The following VSIG10 variants were observed in gnomAD, a reference collection of about 807,000 sequenced individuals.
VSIG10 encodes the protein V-set and immunoglobulin domain containing 10.
In VSIG10, 48 loss-of-function variants were observed where a neutral mutation model predicts 58.7. That is an observed-to-expected ratio of 0.82 (90% confidence interval 0.65 to 1.04). The LOEUF (loss-of-function observed/expected upper bound fraction) is 1.04. Ranked by LOEUF, VSIG10 falls within the 50% of genes least tolerant of loss-of-function variation. The pLI is 0.00. For synonymous variants in VSIG10, 260 were observed against 267.1 expected (o/e 0.97, Z 0.26); for missense variants, 628 against 670.0 (o/e 0.94, Z 0.69).
At chr12:118,087,945 G>A in intron 2 of VSIG10, among the ~76,000 whole-genome samples, 1 of 151,066 alleles carries the variant, frequency 6.6e-6, no homozygotes. Context: ...AGCAAGACCT[G>A]TTCGAAAGAC....
chr12:118,064,492 G>A lies in VSIG10; in HGVS notation c.*2147C>T, dbSNP rs1383199002. On this transcript the variant is annotated 3_prime_UTR_variant, in exon 9 of 9. Transcript: ENST00000359236. ...TGTGTTTTCTTTTTTTAATCTTGTT[G>A]CCTCTGAGTAGTAGACTCTTCAATT... The A allele has an allele frequency of 4.4e-5, 6 of 136,972 alleles. No individual in the cohort carries two copies. Among genetic ancestry groups the A allele is most frequent in the Non-Finnish European group, 9.3e-5 (6 of 64,698 alleles). 8.5% of individuals were successfully genotyped at this position (136,972 alleles called of 1,614,324 possible).
chr12:118,074,075 TTTTTGTTTTG>T (rs141835961), intron 4 of VSIG10, 83 bp from the exon 5 acceptor site: 258 of 1,398,156 alleles, frequency 1.8e-4, no homozygotes, highest in African/African-American at 4.5e-5. Context: ...CTGCAGTAGT[TTTTTGTTTTG>T]TTTTGTTTTG....
Position 118,082,419 on chromosome 12 carries a change from A to C in VSIG10, c.372T>G (p.Tyr124Ter), listed in dbSNP as rs1256853593. 1 of 1,608,838 alleles carries C rather than the reference A, an allele frequency of 6.2e-7. No homozygotes were observed. The highest frequency in any genetic ancestry group is 1.1e-5 in the South Asian group (1 of 91,016). Residue 124 changes from tyrosine to a stop codon, truncating the protein, a stop_gained, in exon 3 of 9, where the codon TAT becomes TAG. Coordinates refer to ENST00000359236, the MANE Select transcript of VSIG10 (RefSeq NM_019086.6). LOFTEE classifies it high-confidence loss of function. ...TGGCCACGATGTGGACCTCAATCTG[A>C]TAGGGGCCGCCTGGGGATGACAGGG... ...QVWLQVASGP[Y>*]QIEVHIVATG...
chr12:118,067,010 T>G (rs1321490312), intron 8 of VSIG10, among the ~76,000 whole-genome samples: 1 of 152,078 alleles, frequency 6.6e-6, no homozygotes, highest in Non-Finnish European at 1.5e-5. Context: ...ACCTCTTCCA[T>G]AAAGCTTCCC....
At chr12:118,075,731 A>G (rs1030293864) in intron 4 of VSIG10, among the ~76,000 whole-genome samples, 1 of 152,132 alleles carries the variant, frequency 6.6e-6, no homozygotes, top group African/African-American at 2.4e-5. Context: ...ACTGTGGGCA[A>G]GGCACTGTTA....
At chr12:118,086,227 C>T (rs1159034762) in intron 2 of VSIG10, among the ~76,000 whole-genome samples, 1 of 151,764 alleles carries the variant, frequency 6.6e-6, no homozygotes, top group Admixed American at 6.6e-5. Context: ...CTTTGGGAGG[C>T]GGAGGCAGGC....
intron 7 of VSIG10, among the ~76,000 whole-genome samples, chr12:118,069,419 C>CT (rs2032390321): frequency 2.8e-5 from 3 of 107,974 alleles, no homozygotes; most frequent in Admixed American, 9.9e-5. Context: ...TCTTCTTCTT[C>CT]TTCTTCTTTT....
intron 1 of VSIG10, chr12:118,102,419 G>A: frequency 6.6e-6 from 1 of 152,274 alleles, no homozygotes; most frequent in African/African-American, 2.4e-5. Context: ...GAAGGTGGCG[G>A]GGCAAATATT....
In VSIG10 at chr12:118,068,473, G is replaced by T. The variant is rs2032347075; in HGVS notation, c.1471C>A (p.Pro491Thr). 1 of 1,613,342 alleles carries T rather than the reference G, an allele frequency of 6.2e-7. No individual in the cohort carries two copies. Among genetic ancestry groups the T allele is most frequent in the Admixed American group, 1.7e-5 (1 of 59,908 alleles). Residue 491 changes from proline to threonine, a missense_variant, in exon 8 of 9, where the codon CCA (proline) becomes ACA (threonine). By Grantham distance (38) the Pro-to-Thr change is conservative. Transcript: ENST00000359236. ...TGGTCCTGCTTAGGTATTTCTTTTG[G>T]CAACTCCTCTCTCTCACGTGCTCCC... ...QEGAREREEL[P>T]KEIPKQDHIH... is the part of the protein sequence containing the mutation.
chr12:118,066,838 T>C, intron 8 of VSIG10, 144 bp from the exon 9 acceptor site: 1 of 851,292 alleles, frequency 1.2e-6, no homozygotes, highest in Non-Finnish European at 1.8e-6. Context: ...GGGCAGCGTG[T>C]GTTTTCCCCT....
intron 1 of VSIG10, 121 bp downstream of exon 1, chr12:118,103,472 G>C: frequency 1.9e-6 from 2 of 1,035,358 alleles, no homozygotes; most frequent in Non-Finnish European, 2.6e-6. Context: ...TCCTGGGGCA[G>C]CTTCTAGGCT....
In VSIG10 at chr12:118,064,800, T is replaced by C. The variant is rs987535476; in HGVS notation, c.*1839A>G. 1 of 152,326 alleles carries C rather than the reference T, an allele frequency of 6.6e-6. No homozygotes were observed. Among genetic ancestry groups the C allele is most frequent in the Non-Finnish European group, 1.5e-5 (1 of 68,050 alleles). The allele number at this position is 152,326 out of a possible 1,614,324, so 9.4% of individuals were successfully genotyped here. A position where few individuals can be genotyped will look rare whatever the true frequency, so the allele number is the denominator to read the frequency against. ...CTAGTGATTTGCTCAGTTTAATCCC[T>C]TCATCCAAGAAAACAGACCTTCCCC... On this transcript the variant is annotated 3_prime_UTR_variant, in exon 9 of 9. Transcript: ENST00000359236.
At position 118,076,584 on chromosome 12, in the gene VSIG10, C is replaced by T. The variant is rs376037545; in HGVS notation, c.926-2592G>A. ...AACTCCTGGGCCCAAGCAATATGCC[C>T]GTCCTTGGCCTCCCAAAGTGCTGGG... On this transcript the variant is annotated intron_variant, in intron 4 of 8. Transcript: ENST00000359236. 1.6e-4 allele frequency among the ~76,000 whole-genome samples: 24 copies of T among 150,328 alleles called. No individual in the cohort carries two copies. The East Asian group carries it at 1.8e-3, about 11-fold the overall frequency.
intron 2 of VSIG10, among the ~76,000 whole-genome samples, chr12:118,088,184 G>A (rs1328872079): frequency 6.7e-6 from 1 of 150,038 alleles, no homozygotes; most frequent in Non-Finnish European, 1.5e-5. Context: ...GGCGGAGGCT[G>A]CAGTGAGCCG....
At chr12:118,076,963 C>T (rs2032753344) in intron 4 of VSIG10, among the ~76,000 whole-genome samples, 1 of 152,162 alleles carries the variant, frequency 6.6e-6, no homozygotes, top group Non-Finnish European at 1.5e-5. Context: ...CCGGCCTTCT[C>T]CCTTCTTACA....
rs765322273 is a variant in VSIG10, at chr12:118,095,802, A to C, written c.92T>G (p.Val31Gly). 3.7e-6 allele frequency: 6 copies of C among 1,608,914 alleles called. No homozygotes were observed. In the South Asian group the frequency reaches 5.6e-5, roughly 15 times the overall value. The change falls in exon 2 of 9, where the codon GTT becomes GGT. Residue 31 changes from valine (V) to glycine (G), a missense_variant. Val to Gly is a moderately radical substitution (Grantham distance 109). Coordinates refer to ENST00000359236, the MANE Select transcript of VSIG10 (RefSeq NM_019086.6). The part of the protein sequence containing the change: ...AGWVAVGLEA[V>G]VIGEVHENVT... The stretch of plus-strand genomic sequence containing the variant: ...ATTCTCATGAACTTCTCCAATGACA[A>C]CAGCCTCCAATCCTGTACAAGGCAA...
chr12:118,079,786 G>A (rs1166544604), intron 3 of VSIG10, among the ~76,000 whole-genome samples, 180 bp from the exon 4 acceptor site: 1 of 152,038 alleles, frequency 6.6e-6, no homozygotes, highest in Non-Finnish European at 1.5e-5. Context: ...TCTGTTGGGT[G>A]TTAAATTTCC....
intron 4 of VSIG10, among the ~76,000 whole-genome samples, chr12:118,078,937 T>TAA (rs35469920): frequency 1.5e-3 from 59 of 39,862 alleles, no homozygotes; most frequent in South Asian, 5.0e-3. Context: ...AGACTCTGCC[T>TAA]AAAAAAAAAA....
At chr12:118,082,055 A>C in intron 3 of VSIG10, 72 bp downstream of exon 3, 11 of 1,280,240 alleles carry the variant, frequency 8.6e-6, no homozygotes, top group South Asian at 1.5e-5. Context: ...TGGGAGAGGC[A>C]CAAACGTGCA....
Sources: gnomAD v4.1 joint callset for allele counts (sites outside exome capture counted in the v4.1 genomes callset) on GRCh38, gnomAD v4.1.1 for gene constraint, MANE v1.5 for transcripts, NCBI Gene and HGNC (gene_info 2026-07-23, HGNC 2026-07-21) for gene names.